The following STS variants were observed in gnomAD, a reference collection of about 807,000 sequenced individuals.
The protein encoded by STS is steryl-sulfatase.
Under a neutral mutation model 26.8 loss-of-function variants are expected in STS, and 7 were observed. The observed-to-expected ratio is 0.26, with a 90% CI of 0.15 to 0.49. The LOEUF (loss-of-function observed/expected upper bound fraction) is 0.49. Among genes scored for constraint, STS ranks in the 20% least tolerant of loss-of-function variants. The pLI, the probability that STS is intolerant of heterozygous loss-of-function variation, is 0.98. For synonymous variants in STS, 199 were observed against 189.4 expected, an observed-to-expected ratio of 1.05 and a Z score of -0.42; for missense variants, 434 against 465.6, an observed-to-expected ratio of 0.93 and a Z score of 0.63.
chrX:7,353,112 A>G lies in STS; in HGVS notation c.*2851A>G, dbSNP rs1360371187. The G allele has an allele frequency of 1.8e-5, 2 of 111,995 alleles. No individual in the cohort carries two copies. Among genetic ancestry groups the G allele is most frequent in the Non-Finnish European group, 3.8e-5 (2 of 53,287 alleles). The allele number at this position is 111,995 out of a possible 1,213,427, so 9.2% of individuals were successfully genotyped here. A position where few individuals can be genotyped will look rare whatever the true frequency, so the allele number is the denominator to read the frequency against. ...CTTTCTATCGTGACTCAATTCAACA[A>G]TGTGGGGAATGTTTACTACATTTCC... On this transcript the variant is annotated 3_prime_UTR_variant, in exon 11 of 11. Coordinates refer to ENST00000674429, the MANE Select transcript of STS (RefSeq NM_001320752.2).
At chrX:7,233,950 T>C (rs951483700) in intron 2 of STS, among the ~76,000 whole-genome samples, 4 of 112,177 alleles carry the variant, frequency 3.6e-5, no homozygotes, top group Admixed American at 2.8e-4. Context: ...GGCCCTCTGA[T>C]ATTGACAGCG....
At chrX:7,293,549 T>A (rs1419431142) in intron 7 of STS, among the ~76,000 whole-genome samples, 5 of 111,966 alleles carry the variant, frequency 4.5e-5, no homozygotes, top group Non-Finnish European at 7.5e-5. Flanking sequence ...AATCCTTTGC[T>A]CTTGCAGGTG....
At chrX:7,284,247 A>G (rs1246728250) in intron 7 of STS, among the ~76,000 whole-genome samples, 7 of 111,800 alleles carry the variant, frequency 6.3e-5, no homozygotes, top group Non-Finnish European at 3.8e-5. Flanking sequence ...AATTATTTCA[A>G]TCGTTGGTTA....
At chrX:7,283,032 A>C (rs1924950447) in intron 7 of STS, among the ~76,000 whole-genome samples, 1 of 112,334 alleles carries the variant, frequency 8.9e-6, no homozygotes, top group Non-Finnish European at 1.9e-5. Flanking sequence ...GACCCAAAAA[A>C]ACAAAAGCCC....
At chrX:7,221,029 A>C (rs1921541515) in intron 2 of STS, among the ~76,000 whole-genome samples, 1 of 111,864 alleles carries the variant, frequency 8.9e-6, no homozygotes, top group Non-Finnish European at 1.9e-5. Context: ...TTCTTAACGT[A>C]CACCAAACTA....
rs1245943015 is a variant in STS at position 7,254,160 on chromosome X, G to A, written c.137+824G>A. On this transcript the variant is annotated intron_variant, in intron 3 of 10. Transcript: ENST00000674429. ...TGAATCTGGGGGGGACACAAACATC[G>A]AGACCATAGCTGACAATCAGGAGAG... 2.9e-4 allele frequency among the ~76,000 whole-genome samples: 32 copies of A among 111,813 alleles called. 2 individuals are homozygous for A. The highest frequency in any genetic ancestry group is 1.9e-5 in the Non-Finnish European group (1 of 53,189).
At chrX:7,171,656 G>C (rs1290460675) in intron 1 of STS, among the ~76,000 whole-genome samples, 1 of 111,619 alleles carries the variant, frequency 9.0e-6, no homozygotes, top group Non-Finnish European at 1.9e-5. Flanking sequence ...AGTGGCTTGA[G>C]TGACTAATTG....
intron 7 of STS, among the ~76,000 whole-genome samples, chrX:7,292,062 G>A (rs977775633): frequency 3.6e-5 from 4 of 112,432 alleles, no homozygotes; most frequent in Non-Finnish European, 7.5e-5. Context: ...GAAGCTTTGA[G>A]CGCTGACTTT....
chrX:7,266,399 G>A (rs1249326437), intron 6 of STS, among the ~76,000 whole-genome samples: 4 of 111,790 alleles, frequency 3.6e-5, no homozygotes, highest in African/African-American at 1.3e-4. Context: ...TGTGATTCTT[G>A]CAAATGAGGT....
At chrX:7,148,274 G>A (rs1167216593) in intron 1 of STS, 191 bp downstream of exon 1, 4 of 283,140 alleles carry the variant, frequency 1.4e-5, no homozygotes, top group Non-Finnish European at 2.5e-5. Context: ...GTCCTGGGCT[G>A]CCTAGTGGCG....
At chrX:7,253,854 G>A (rs1317027638) in intron 3 of STS, among the ~76,000 whole-genome samples, 1 of 111,986 alleles carries the variant, frequency 8.9e-6, no homozygotes, top group African/African-American at 3.3e-5. Flanking sequence ...CCATAGGCTG[G>A]GTGGCTTCTA....
chrX:7,211,858 GC>G (rs1921044623), intron 2 of STS, among the ~76,000 whole-genome samples: 1 of 111,386 alleles, frequency 9.0e-6, no homozygotes, highest in African/African-American at 3.3e-5. Flanking sequence ...TCCCTGCCCT[GC>G]CCAAAATGGG....
chrX:7,210,678 T>A (rs1037403256), intron 2 of STS, among the ~76,000 whole-genome samples: 3 of 107,793 alleles, frequency 2.8e-5, no homozygotes, highest in Admixed American at 1.0e-4. Context: ...TACTAGGTGT[T>A]ATATGTTGAA....
At chrX:7,169,161 A>G (rs1312065680) in intron 1 of STS, among the ~76,000 whole-genome samples, 4 of 110,687 alleles carry the variant, frequency 3.6e-5, no homozygotes, top group Non-Finnish European at 7.6e-5. Context: ...CACCCCTGGG[A>G]AACCATCAGT....
At chrX:7,178,685 C>T (rs1398100857) in intron 1 of STS, among the ~76,000 whole-genome samples, 1 of 112,644 alleles carries the variant, frequency 8.9e-6, no homozygotes, top group Non-Finnish European at 1.9e-5. Context: ...TTTCTCTAGT[C>T]CTTCTCCTGA....
At chrX:7,218,170 A>T (rs1319114307) in intron 2 of STS, among the ~76,000 whole-genome samples, 2 of 112,344 alleles carry the variant, frequency 1.8e-5, no homozygotes, top group East Asian at 5.6e-4. Flanking sequence ...AGTGTAGTAA[A>T]CATTCCCCAC....
intron 7 of STS, among the ~76,000 whole-genome samples, chrX:7,287,467 C>A (rs908024866): frequency 1.8e-5 from 2 of 110,818 alleles, no homozygotes; most frequent in Admixed American, 1.9e-4. Flanking sequence ...GCCAGTATGA[C>A]ATATTAATAT....
rs36138671 is a variant in STS, at chrX:7,258,009, G to GGGAT, written c.382+453_382+456dup. On this transcript the variant is annotated intron_variant, in intron 5 of 10. Transcript: ENST00000674429. ...AGAGAGAGACAAAGGTGAGATAGAT[G>GGGAT]GGATGGATGGATGGATGGATGGATG... Among the ~76,000 whole-genome samples, 459 of 100,594 alleles carry GGGAT rather than the reference G, an allele frequency of 4.6e-3. 3 individuals carry two copies. The highest frequency in any genetic ancestry group is 0.012 in the African/African-American group (324 of 27,886). The allele number at this position is 100,594 out of a possible 115,157, so 87.4% of individuals were successfully genotyped here. A position where few individuals can be genotyped will look rare whatever the true frequency, so the allele number is the denominator to read the frequency against.
intron 8 of STS, among the ~76,000 whole-genome samples, chrX:7,317,479 G>C (rs1926768425): frequency 9.0e-6 from 1 of 110,925 alleles, no homozygotes; most frequent in Non-Finnish European, 1.9e-5. Context: ...TTGTTTGTTT[G>C]TTTGTTTAAG....
Sources: gnomAD v4.1 joint callset for allele counts (sites outside exome capture counted in the v4.1 genomes callset) on GRCh38, gnomAD v4.1.1 for gene constraint, MANE v1.5 for transcripts, NCBI Gene and HGNC (gene_info 2026-07-23, HGNC 2026-07-21) for gene names.